LDLRAD4: variants seen among roughly 807,000 people sequenced by gnomAD.
The protein encoded by LDLRAD4 is low-density lipoprotein receptor class A domain-containing protein 4.
A neutral mutation model predicts 17.0 loss-of-function variants in LDLRAD4; 5 were observed. The ratio of observed to expected loss-of-function variants is 0.29; its 90% CI spans 0.15 to 0.62. The LOEUF (loss-of-function observed/expected upper bound fraction) is 0.62, where lower values mean the gene tolerates loss of function less well. LDLRAD4 is among the 20% of genes least tolerant of loss of function. The pLI is 0.84. For synonymous variants in LDLRAD4, 168 were observed against 171.8 expected (o/e 0.98, Z 0.17); for missense variants, 340 against 424.7 (o/e 0.80, Z 1.75).
chr18:13,411,085 T>C (rs1402807511), intron 2 of LDLRAD4, among the ~76,000 whole-genome samples: 1 of 152,146 alleles, frequency 6.6e-6, no homozygotes, highest in African/African-American at 2.4e-5. Context: ...ATCCCGTCTC[T>C]ACTAAAAATA....
intron 3 of LDLRAD4, among the ~76,000 whole-genome samples, chr18:13,493,562 C>T (rs1051195069): frequency 1.7e-4 from 26 of 152,192 alleles, no homozygotes; most frequent in African/African-American, 5.3e-4. Context: ...GAATGCTGTT[C>T]TTAGCTGGTC....
At chr18:13,524,598 C>G (rs571405931) in intron 3 of LDLRAD4, among the ~76,000 whole-genome samples, 1 of 152,338 alleles carries the variant, frequency 6.6e-6, no homozygotes, top group East Asian at 1.9e-4. Context: ...CACTTCCAAG[C>G]TCAGTGGCTT....
intron 1 of LDLRAD4, among the ~76,000 whole-genome samples, chr18:13,316,324 A>G (rs1323796177): frequency 6.6e-6 from 1 of 152,234 alleles, no homozygotes; most frequent in Non-Finnish European, 1.5e-5. Context: ...ATGAAATGAC[A>G]GTCTTTAAAG....
chr18:13,429,673 G>A (rs1308582948), intron 2 of LDLRAD4, among the ~76,000 whole-genome samples: 1 of 152,212 alleles, frequency 6.6e-6, no homozygotes, highest in Non-Finnish European at 1.5e-5. Context: ...GTGTGAGAAC[G>A]CAAAGAGGCT....
At chr18:13,294,685 G>C (rs1409883570) in intron 1 of LDLRAD4, among the ~76,000 whole-genome samples, 2 of 152,160 alleles carry the variant, frequency 1.3e-5, no homozygotes, top group African/African-American at 2.4e-5. Context: ...CGGATGAGGA[G>C]GATGTTGTGG....
chr18:13,229,505 C>T (rs1042969928), intron 1 of LDLRAD4, among the ~76,000 whole-genome samples: 2 of 152,174 alleles, frequency 1.3e-5, no homozygotes, highest in Non-Finnish European at 2.9e-5. Context: ...TGCACTGGCA[C>T]AGTCAGAGAC....
chr18:13,233,960 C>T (rs1051949545), intron 1 of LDLRAD4, among the ~76,000 whole-genome samples: 3 of 152,150 alleles, frequency 2.0e-5, no homozygotes, highest in Non-Finnish European at 4.4e-5. Context: ...CTTGTCTGCC[C>T]GTGGTTCAGG....
At chr18:13,328,763 T>A (rs1024723332) in intron 1 of LDLRAD4, among the ~76,000 whole-genome samples, 1 of 152,230 alleles carries the variant, frequency 6.6e-6, no homozygotes, top group African/African-American at 2.4e-5. Flanking sequence ...TAAAAAGATG[T>A]TTATTGAAAA....
intron 1 of LDLRAD4, among the ~76,000 whole-genome samples, chr18:13,323,804 T>A (rs1568007353): frequency 6.6e-6 from 1 of 152,176 alleles, no homozygotes; most frequent in Non-Finnish European, 1.5e-5. Flanking sequence ...AGGAAATAAG[T>A]TCAGAGAAGG....
chr18:13,291,515 G>A (rs1415234768), intron 1 of LDLRAD4, among the ~76,000 whole-genome samples: 1 of 152,118 alleles, frequency 6.6e-6, no homozygotes, highest in African/African-American at 2.4e-5. Context: ...TTGAGCTGCG[G>A]GGACCTGGCC....
intron 3 of LDLRAD4, among the ~76,000 whole-genome samples, chr18:13,610,568 T>G (rs1184051072): frequency 6.6e-6 from 1 of 152,152 alleles, no homozygotes; most frequent in East Asian, 1.9e-4. Flanking sequence ...ATTACAGGCT[T>G]GAGCCACCGT....
chr18:13,615,913 G>T (rs899375242), intron 3 of LDLRAD4: 1 of 137,902 alleles, frequency 7.3e-6, no homozygotes, highest in Non-Finnish European at 1.5e-5. Flanking sequence ...TCAACCAGTG[G>T]TCTGTGTTCA....
At chr18:13,388,794 G>A (rs550750113) in intron 2 of LDLRAD4, among the ~76,000 whole-genome samples, 16 of 152,356 alleles carry the variant, frequency 1.1e-4, no homozygotes, top group African/African-American at 3.8e-4. Context: ...AAGGAAGAAC[G>A]AGGGGACGGG....
At chr18:13,229,870 CAG>C (rs1188129759) in intron 1 of LDLRAD4, among the ~76,000 whole-genome samples, 2 of 152,206 alleles carry the variant, frequency 1.3e-5, no homozygotes, top group East Asian at 3.8e-4. Context: ...ACCAGGGAGA[CAG>C]AGGAAGATGT....
chr18:13,495,160 A>C (rs542144001), intron 3 of LDLRAD4, among the ~76,000 whole-genome samples: 3 of 152,224 alleles, frequency 2.0e-5, no homozygotes, highest in African/African-American at 7.2e-5. Context: ...AGGAAAGACT[A>C]TTAAAATTCC....
At chr18:13,443,000 AG>A (rs966169607) in intron 3 of LDLRAD4, among the ~76,000 whole-genome samples, 3 of 152,118 alleles carry the variant, frequency 2.0e-5, no homozygotes, top group African/African-American at 7.2e-5. Context: ...CTGCTACTGG[AG>A]GGTTGGGAGG....
intron 3 of LDLRAD4, among the ~76,000 whole-genome samples, chr18:13,475,857 T>G (rs2146855960): frequency 6.6e-6 from 1 of 152,272 alleles, no homozygotes; most frequent in South Asian, 2.1e-4. Flanking sequence ...ATGACTGTGC[T>G]TCTGACTCTA....
Position 13,590,003 on chromosome 18 carries a change from A to G in LDLRAD4, c.182-31114A>G, listed in dbSNP as rs115971852. ...TGTGGCTGCGTGTGTGGGGGTGTGC[A>G]CGTGTGTGGCTGTGCATGTGTATGG... On this transcript the variant is annotated intron_variant, in intron 3 of 5. Transcript: ENST00000359446. 7.3e-3 allele frequency among the ~76,000 whole-genome samples: 1,100 copies of G among 150,000 alleles called. 14 individuals carry two copies. Among genetic ancestry groups the G allele is most frequent in the African/African-American group, 0.025 (1,004 of 40,602 alleles).
intron 1 of LDLRAD4, among the ~76,000 whole-genome samples, chr18:13,349,150 T>C (rs2082893026): frequency 6.6e-6 from 1 of 152,214 alleles, no homozygotes; most frequent in African/African-American, 2.4e-5. Flanking sequence ...AGAAATCGTT[T>C]GTCTTCTGCG....
Sources: gnomAD v4.1 joint callset for allele counts (sites outside exome capture counted in the v4.1 genomes callset) on GRCh38, gnomAD v4.1.1 for gene constraint, MANE v1.5 for transcripts, NCBI Gene and HGNC (gene_info 2026-07-23, HGNC 2026-07-21) for gene names.